GFPT2: variants seen among roughly 807,000 people sequenced by gnomAD.
The protein encoded by GFPT2 is glutamine--fructose-6-phosphate aminotransferase [isomerizing] 2.
Under a neutral mutation model 85.6 loss-of-function variants are expected in GFPT2, and 62 were observed. The ratio of observed to expected loss-of-function variants is 0.72; its 90% CI spans 0.59 to 0.90. GFPT2 has a LOEUF of 0.90. Among genes scored for constraint, GFPT2 ranks in the 40% least tolerant of loss-of-function variants. The pLI, the probability that GFPT2 is intolerant of heterozygous loss-of-function variation, is 0.00. For synonymous variants in GFPT2, 368 were observed against 344.5 expected (o/e 1.07, Z -0.75); for missense variants, 788 against 893.4 (o/e 0.88, Z 1.50).
chr5:180,304,553 G>C (rs542394842), intron 17 of GFPT2, among the ~76,000 whole-genome samples: 4 of 152,346 alleles, frequency 2.6e-5, no homozygotes, highest in South Asian at 2.1e-4. Flanking sequence ...CAGCAGTGTG[G>C]GTCCCTGGGC....
intron 15 of GFPT2, among the ~76,000 whole-genome samples, chr5:180,311,267 C>T (rs1322329220): frequency 6.6e-6 from 1 of 152,222 alleles, no homozygotes. Context: ...CTCCGCCTCT[C>T]AGGCCTGCAC....
intron 3 of GFPT2, 65 bp from the exon 4 acceptor site, chr5:180,336,018 C>T (rs13179839): frequency 0.052 from 76,638 of 1,468,216 alleles, 3,384 homozygotes; most frequent in African/African-American, 0.21. Context: ...ACTGTGAGTG[C>T]AACCTGGTGT....
intron 7 of GFPT2, among the ~76,000 whole-genome samples, chr5:180,327,860 G>T (rs1278439804): frequency 3.9e-5 from 6 of 152,154 alleles, no homozygotes; most frequent in Non-Finnish European, 8.8e-5. Context: ...CAAGGCCTCT[G>T]CTGTACTGGA....
At chr5:180,304,649 G>A (rs1763741237) in intron 17 of GFPT2, 123 bp downstream of exon 17, 2 of 887,182 alleles carry the variant, frequency 2.3e-6, no homozygotes, top group Admixed American at 2.0e-5. Flanking sequence ...CCGGGGGAGG[G>A]TGTGTGGTCA....
chr5:180,327,346 G>A (rs1764226734), intron 7 of GFPT2, among the ~76,000 whole-genome samples: 1 of 152,206 alleles, frequency 6.6e-6, no homozygotes, highest in Non-Finnish European at 1.5e-5. Context: ...CACACACTGG[G>A]CCTAGAACGC....
At chr5:180,304,377 G>A (rs1363517) in intron 17 of GFPT2, among the ~76,000 whole-genome samples, 83,091 of 152,078 alleles carry the variant, frequency 0.55, 23,350 homozygotes, top group East Asian at 0.84. Flanking sequence ...TGCCTGAATC[G>A]AGGGCAGTCT....
intron 15 of GFPT2, among the ~76,000 whole-genome samples, chr5:180,309,968 G>A (rs1251856236): frequency 2.0e-5 from 3 of 151,296 alleles, no homozygotes; most frequent in African/African-American, 2.4e-5. Flanking sequence ...CCACCACCAC[G>A]CCCGGCTAAT....
chr5:180,332,382 G>A (rs1478072735), intron 4 of GFPT2, among the ~76,000 whole-genome samples: 1 of 152,194 alleles, frequency 6.6e-6, no homozygotes, highest in African/African-American at 2.4e-5. Flanking sequence ...TTCTGGGCAA[G>A]TAGCTCCGTT....
At chr5:180,320,997 T>C in intron 9 of GFPT2, among the ~76,000 whole-genome samples, 1 of 152,154 alleles carries the variant, frequency 6.6e-6, no homozygotes, top group South Asian at 2.1e-4. Flanking sequence ...AATAACTTCG[T>C]ATGCTTTGTA....
Position 180,302,454 on chromosome 5 carries a change from G to T in GFPT2, c.1973C>A (p.Ser658Tyr). 1 of 1,614,030 alleles carries T rather than the reference G, an allele frequency of 6.2e-7. No individual in the cohort carries two copies. The highest frequency in any genetic ancestry group is 1.1e-5 in the South Asian group (1 of 91,074). Residue 658 changes from serine to tyrosine, a missense_variant, in exon 18 of 19, where the codon TCC becomes TAC. Ser to Tyr is a moderately radical substitution (Grantham distance 144). Coordinates refer to ENST00000253778, the MANE Select transcript of GFPT2 (RefSeq NM_005110.4). ...ILSVIPLQLL[S>Y]FHLAVLRGYD... ...TCCTCGGAGAACAGCCAGGTGGAAG[G>T]ACAGCAGCTGCAGCGGAATCACGCT...
At chr5:180,349,247 C>G (rs897156538) in intron 1 of GFPT2, among the ~76,000 whole-genome samples, 3 of 151,906 alleles carry the variant, frequency 2.0e-5, no homozygotes, top group Non-Finnish European at 4.4e-5. Context: ...TTCAAGGATG[C>G]AGTGAGCCAT....
At chr5:180,326,930 T>C (rs867649198) in intron 7 of GFPT2, among the ~76,000 whole-genome samples, 1 of 152,238 alleles carries the variant, frequency 6.6e-6, no homozygotes, top group South Asian at 2.1e-4. Flanking sequence ...TAGTAAATCA[T>C]GATAAAATTG....
At chr5:180,307,129 C>T in intron 16 of GFPT2, 47 bp downstream of exon 16, 1 of 1,484,618 alleles carries the variant, frequency 6.7e-7, no homozygotes, top group Non-Finnish European at 9.2e-7. Flanking sequence ...CTCAGGGTCT[C>T]CTGTGCCTGT....
intron 13 of GFPT2, among the ~76,000 whole-genome samples, chr5:180,314,982 G>A (rs541378659): frequency 2.0e-5 from 3 of 152,284 alleles, no homozygotes; most frequent in South Asian, 4.1e-4. Context: ...AGGTGAACAC[G>A]GCAGCAGCTC....
In GFPT2 at chr5:180,307,146, TGGGGGTGGGGGCTG is replaced by T; in HGVS notation, c.1674+16_1674+29del. The T allele has an allele frequency of 1.9e-6, 1 of 539,554 alleles. No homozygotes were observed. The highest frequency in any genetic ancestry group is 2.7e-6 in the Non-Finnish European group (1 of 375,054). 33.4% of individuals were successfully genotyped at this position (539,554 alleles called of 1,614,324 possible). The stretch of plus-strand genomic sequence containing the variant: ...CAGGGTCTCCTGTGCCTGTCCTCCG[TGGGGGTGGGGGCTG>T]GGGGTGGGGGCTCACCAGGGCTCCT... On this transcript the variant is annotated intron_variant, in intron 16 of 18. Transcript: ENST00000253778.
intron 16 of GFPT2, among the ~76,000 whole-genome samples, chr5:180,305,221 G>T (rs544115317): frequency 2.6e-5 from 4 of 152,070 alleles, no homozygotes; most frequent in African/African-American, 9.7e-5. Flanking sequence ...CCAGTCCCAC[G>T]CACAGCCACC....
chr5:180,324,332 A>T, intron 8 of GFPT2, 27 bp from the exon 9 acceptor site: 1 of 1,229,016 alleles, frequency 8.1e-7, no homozygotes, highest in East Asian at 2.3e-5. Flanking sequence ...TGGGTTGCAA[A>T]TCCCACTGGG....
Position 180,323,485 on chromosome 5 carries a change from C to T in GFPT2, c.794+703G>A, listed in dbSNP as rs1013765634. 6.6e-6 allele frequency among the ~76,000 whole-genome samples: 1 copy of T among 152,148 alleles called. No homozygotes were observed. The highest frequency in any genetic ancestry group is 2.4e-5 in the African/African-American group (1 of 41,432). On this transcript the variant is annotated intron_variant, in intron 9 of 18. Transcript: ENST00000253778. The surrounding 1 kb of genome is among the most constrained non-coding windows in gnomAD (Gnocchi z 4.0). Reference sequence around the variant, plus strand: ...TTGAAGAAGGTACCAGAGGTGATTACAGCAGTTTTCTACTTCAAATGGCAG... The same window carrying T: ...TTGAAGAAGGTACCAGAGGTGATTATAGCAGTTTTCTACTTCAAATGGCAG...
rs373889799 is a variant in GFPT2, at chr5:180,330,712, G to A, written c.522C>T (p.Val174=). ...ATTTGTAACTCACCAACTGCTGAATGACTCTCTCGACCAACGTTGAAAACG... is the reference window on the plus strand; with the variant it reads ...ATTTGTAACTCACCAACTGCTGAATAACTCTCTCGACCAACGTTGAAAACG... ...DITFSTLVER[V]IQQLEGAFAL... Residue 174 remains valine (V), a synonymous_variant, in exon 6 of 19, where the codon GTC becomes GTT. Coordinates refer to ENST00000253778, the MANE Select transcript of GFPT2 (RefSeq NM_005110.4). The surrounding 1 kb of genome is among the most constrained non-coding windows in gnomAD (Gnocchi z 4.4). The A allele has an allele frequency of 1.9e-6, 3 of 1,612,422 alleles. No individual in the cohort carries two copies. The East Asian group carries it at 6.7e-5, about 36-fold the overall frequency.
Sources: gnomAD v4.1 joint callset for allele counts (sites outside exome capture counted in the v4.1 genomes callset) on GRCh38, gnomAD v4.1.1 for gene constraint, Gnocchi (gnomAD v3.1) non-coding constraint, MANE v1.5 for transcripts, NCBI Gene and HGNC (gene_info 2026-07-23, HGNC 2026-07-21) for gene names.